The following CWF19L1 variants were observed in gnomAD, a reference collection of about 807,000 sequenced individuals.
The protein encoded by CWF19L1 is CWF19 like cell cycle control factor 1, also known as CWF19-like protein 1.
In CWF19L1, 60 loss-of-function variants were observed where a neutral mutation model predicts 69.7. The ratio of observed to expected loss-of-function variants is 0.86; its 90% confidence interval spans 0.70 to 1.07. The LOEUF (loss-of-function observed/expected upper bound fraction) is 1.07, where lower values mean the gene tolerates loss of function less well. Ranked by LOEUF, CWF19L1 falls within the 50% of genes least tolerant of loss-of-function variation. The probability of loss-of-function intolerance (pLI) is 0.00; values close to 1 mark genes in which losing one functional copy is unlikely to be tolerated. For synonymous variants in CWF19L1, 209 were observed against 222.2 expected, an observed-to-expected ratio of 0.94 and a Z score of 0.53; for missense variants, 591 against 638.9, an observed-to-expected ratio of 0.92 and a Z score of 0.81.
rs1846459472 is a variant in CWF19L1 at position 100,236,934 on chromosome 10, A to G, written c.1290T>C (p.Asp430=). Reference sequence around the variant, plus strand: ...GGGTAATGAAGGCATCTTTAATGTCATCAGTAGTAGAGCAGCTGATTGGGA... The same window carrying G: ...GGGTAATGAAGGCATCTTTAATGTCGTCAGTAGTAGAGCAGCTGATTGGGA... ...IPVPISCSTT[D]DIKDAFITQA... is the part of the protein sequence containing the mutation. The change falls in exon 12 of 14, where the codon GAT becomes GAC. Residue 430 remains aspartate, a synonymous_variant. Coordinates refer to ENST00000354105, the MANE Select transcript of CWF19L1 (RefSeq NM_018294.6). The G allele has an allele frequency of 1.2e-6, 2 of 1,610,582 alleles. No homozygotes were observed. The highest frequency in any genetic ancestry group is 1.3e-5 in the African/African-American group (1 of 74,878).
intron 1 of CWF19L1, chr10:100,262,444 CCTAT>C: frequency 1.0e-6 from 1 of 985,314 alleles, no homozygotes; most frequent in Non-Finnish European, 1.2e-6. Flanking sequence ...TTTGACTCCT[CCTAT>C]CTTAGTACGA....
At chr10:100,241,049 C>T (rs1846623091) in intron 10 of CWF19L1, among the ~76,000 whole-genome samples, 2 of 114,644 alleles carry the variant, frequency 1.7e-5, no homozygotes, top group Admixed American at 1.3e-4. Flanking sequence ...CTTGCTCTGT[C>T]CCCCAGGCTG....
intron 10 of CWF19L1, among the ~76,000 whole-genome samples, chr10:100,241,122 T>G (rs1046772158): frequency 3.5e-5 from 5 of 142,640 alleles, no homozygotes; most frequent in Non-Finnish European, 7.6e-5. Context: ...ATTCTCTGCC[T>G]CAGCCTCCTG....
At chr10:100,260,937 CAT>C in intron 3 of CWF19L1, 27 bp downstream of exon 3, 2 of 1,386,550 alleles carry the variant, frequency 1.4e-6, no homozygotes, top group Admixed American at 1.9e-5. Context: ...TATTAGAAAT[CAT>C]ATGTTAAATA....
chr10:100,237,774 G>C (rs1846494471), intron 11 of CWF19L1, among the ~76,000 whole-genome samples: 1 of 152,030 alleles, frequency 6.6e-6, no homozygotes, highest in South Asian at 2.1e-4. Context: ...AGCCTCCCGA[G>C]TAGCTGGGAT....
Position 100,243,740 on chromosome 10 carries a change from G to C in CWF19L1, c.1002C>G (p.Ser334Arg), listed in dbSNP as rs760724425. The change falls in exon 10 of 14, where the codon AGC becomes AGG. Residue 334 changes from serine (S) to arginine (R), a missense_variant. Ser to Arg is a moderately radical substitution (Grantham distance 110, BLOSUM62 -1). This residue lies in a region of CWF19L1 where 458 missense variants were observed against 489.3 expected (regional missense o/e 0.94). Coordinates refer to ENST00000354105, the MANE Select transcript of CWF19L1 (RefSeq NM_018294.6). ...CCACCAAATGTTTTTCCACTTCAGG[G>C]CTAGCAAGGCAAAACCAGCAGGGTC... Reference protein sequence around the residue: ...PPGPCWFCLASPEVEKHLVVN... With the variant: ...PPGPCWFCLARPEVEKHLVVN... 2.5e-6 allele frequency: 4 copies of C among 1,614,014 alleles called. No individual in the cohort carries two copies. Among genetic ancestry groups the C allele is most frequent in the Non-Finnish European group, 3.4e-6 (4 of 1,180,004 alleles).
chr10:100,255,762 CA>C (rs11428759), intron 5 of CWF19L1, among the ~76,000 whole-genome samples: 233 of 118,090 alleles, frequency 2.0e-3, no homozygotes, highest in Admixed American at 2.4e-3. Flanking sequence ...AACTCCATCT[CA>C]AAAAAAAAAA....
In CWF19L1 at chr10:100,262,030, A is replaced by T; in HGVS notation, c.57T>A (p.Asp19Glu). Residue 19 changes from aspartate (D) to glutamate (E), a missense_variant, in exon 2 of 14, where the codon GAT (aspartate) becomes GAA (glutamate). Physicochemically the swap from Asp to Glu is conservative, Grantham distance 45. Coordinates refer to ENST00000354105, the MANE Select transcript of CWF19L1 (RefSeq NM_018294.6). ...TTGCTTGAACTCTATTGAATAAAAT[A>T]TCAAACTTTCCTTCAACATCTCCAC... ...LACGDVEGKFDILFNRVQAIQ... is the reference protein window; with the variant it reads ...LACGDVEGKFEILFNRVQAIQ... 6.2e-7 allele frequency: 1 copy of T among 1,611,260 alleles called. No individual in the cohort carries two copies.
chr10:100,234,694 G>T (rs1366704181), intron 13 of CWF19L1, among the ~76,000 whole-genome samples: 1 of 152,160 alleles, frequency 6.6e-6, no homozygotes, highest in African/African-American at 2.4e-5. Flanking sequence ...AAAAACAGCT[G>T]CAAATCACAG....
chr10:100,237,228 C>T (rs758352586), intron 11 of CWF19L1: 13 of 655,900 alleles, frequency 2.0e-5, no homozygotes, highest in African/African-American at 1.2e-4. Flanking sequence ...TTGCCATCTC[C>T]GATATTATAT....
chr10:100,235,736 TA>T lies in CWF19L1; in HGVS notation c.1402del (p.Tyr468MetfsTer85). ...CTTTTCTCCTGTGTCAAGTTCAACA[TA>T]AAAATATGCTGCTCCTGGCTGTGCA... The part of the protein sequence containing the change: ...QIAQPGAAYF[Y>X]VELDTGEKLF... On this transcript the variant is annotated frameshift_variant, in exon 13 of 14. Transcript: ENST00000354105. LOFTEE classifies it high-confidence loss of function. 1 of 1,612,044 alleles carries T rather than the reference TA, an allele frequency of 6.2e-7. No individual in the cohort carries two copies. The highest frequency in any genetic ancestry group is 8.5e-7 in the Non-Finnish European group (1 of 1,179,746).
intron 10 of CWF19L1, among the ~76,000 whole-genome samples, chr10:100,240,043 C>T (rs188361861): frequency 1.2e-3 from 186 of 152,232 alleles, no homozygotes; most frequent in African/African-American, 3.6e-3. Flanking sequence ...CTAAAGAGCT[C>T]CTCTGCACCA....
At chr10:100,262,391 C>T (rs1287662437) in intron 1 of CWF19L1, 1 of 985,134 alleles carries the variant, frequency 1.0e-6, no homozygotes, top group African/African-American at 1.8e-5. Context: ...TCCCATCAAT[C>T]CCTTTTTCCA....
intron 4 of CWF19L1, among the ~76,000 whole-genome samples, chr10:100,257,225 TA>T (rs1357592384): frequency 6.7e-6 from 1 of 148,188 alleles, no homozygotes; most frequent in Admixed American, 6.7e-5. Flanking sequence ...ACACACATAC[TA>T]AGAAACTTCC....
chr10:100,238,225 G>A lies in CWF19L1; in HGVS notation c.1051C>T (p.Leu351Phe), dbSNP rs1391110225. 2 of 1,614,134 alleles carry A rather than the reference G, an allele frequency of 1.2e-6. No individual in the cohort carries two copies. ...GATAAGCCTCCTTTGGCCAGGGCAA[G>A]GTAGCACTGAAGAAGCAGCACACAG... ...LVVNIGTHCY[L>F]ALAKGGLSDD... Residue 351 changes from leucine to phenylalanine, a missense_variant, in exon 11 of 14, where the codon CTT (leucine) becomes TTT (phenylalanine). By Grantham distance (22) the Leu-to-Phe change is conservative. Transcript: ENST00000354105.
At chr10:100,259,089 T>C (rs1249814353) in intron 4 of CWF19L1, among the ~76,000 whole-genome samples, 1 of 151,220 alleles carries the variant, frequency 6.6e-6, no homozygotes, top group Non-Finnish European at 1.5e-5. Flanking sequence ...TAATCCCAGC[T>C]ACTCGGAAGG....
At chr10:100,241,722 G>A (rs1392026102) in intron 10 of CWF19L1, among the ~76,000 whole-genome samples, 1 of 152,194 alleles carries the variant, frequency 6.6e-6, no homozygotes, top group Non-Finnish European at 1.5e-5. Context: ...TGGCAGAAGG[G>A]CAAGTGAGGG....
At chr10:100,266,178 C>T (rs1847575012) in intron 1 of CWF19L1, among the ~76,000 whole-genome samples, 1 of 147,622 alleles carries the variant, frequency 6.8e-6, no homozygotes, top group Non-Finnish European at 1.5e-5. Flanking sequence ...CCAAAAGTTA[C>T]CACTATTGCA....
chr10:100,257,353 G>A lies in CWF19L1; in HGVS notation c.290-877C>T, dbSNP rs532102456. On this transcript the variant is annotated intron_variant, in intron 4 of 13. Transcript: ENST00000354105. ...TCTGTTGCCAGGCTGGAGTGCAGTG[G>A]CGCAATCTTGGCTCATTGCAACCTC... is the stretch of plus-strand genomic sequence containing the variant. Among the ~76,000 whole-genome samples the A allele has an allele frequency of 2.0e-5, 3 of 146,938 alleles. No homozygotes were observed. The East Asian group carries it at 6.0e-4, about 29-fold the overall frequency.
Sources: allele counts gnomAD v4.1 joint callset (sites outside exome capture counted in the v4.1 genomes callset), GRCh38; gene constraint gnomAD v4.1.1; regional missense constraint gnomAD v4.1.1; transcripts MANE v1.5; gene names NCBI Gene and HGNC (gene_info 2026-07-23, HGNC 2026-07-21).